Variants in CNTN5 observed in about 807,000 individuals in gnomAD.
CNTN5 encodes the protein contactin 5.
CNTN5 carries 77 observed loss-of-function variants against 129.1 expected under a neutral mutation model. The ratio of observed to expected loss-of-function variants is 0.60; its 90% confidence interval spans 0.50 to 0.72. CNTN5 has a LOEUF of 0.72. CNTN5 is among the 30% of genes least tolerant of loss of function. CNTN5 has a pLI of 0.00. For synonymous variants in CNTN5, 509 were observed against 465.6 expected, an observed-to-expected ratio of 1.09 and a Z score of -1.20; for missense variants, 1,478 against 1,328.8, an observed-to-expected ratio of 1.11 and a Z score of -1.75.
chr11:99,419,696 T>TG (rs1591652281), intron 2 of CNTN5, among the ~76,000 whole-genome samples: 1 of 151,850 alleles, frequency 6.6e-6, no homozygotes, highest in Non-Finnish European at 1.5e-5. Flanking sequence ...AGGGCTGGAG[T>TG]GGGGGGAGGG....
intron 1 of CNTN5, among the ~76,000 whole-genome samples, chr11:99,214,155 T>A (rs906964499): frequency 6.6e-6 from 1 of 151,824 alleles, no homozygotes; most frequent in Non-Finnish European, 1.5e-5. Flanking sequence ...CCAGGGGAAG[T>A]ACAGATTTAT....
intron 8 of CNTN5, among the ~76,000 whole-genome samples, chr11:99,958,718 G>A (rs954558262): frequency 6.6e-6 from 1 of 152,164 alleles, no homozygotes; most frequent in Admixed American, 6.5e-5. Flanking sequence ...TTCTCTATAA[G>A]CTATTTCTCC....
chr11:99,746,138 A>C (rs1944048806), intron 3 of CNTN5, among the ~76,000 whole-genome samples: 1 of 152,360 alleles, frequency 6.6e-6, no homozygotes, highest in Admixed American at 6.5e-5. Context: ...TCATACTAAA[A>C]AAATCCTTGC....
chr11:99,067,736 A>C (rs924087089), intron 1 of CNTN5, among the ~76,000 whole-genome samples: 8 of 152,324 alleles, frequency 5.3e-5, no homozygotes, highest in Admixed American at 2.0e-4. Context: ...TAGATAATTT[A>C]TAATGTTGTA....
intron 10 of CNTN5, among the ~76,000 whole-genome samples, chr11:100,063,313 CGTT>C (rs1943557334): frequency 6.6e-6 from 1 of 151,608 alleles, no homozygotes; most frequent in Admixed American, 6.6e-5. Context: ...TCTGGGGTGT[CGTT>C]GTCATGCACT....
chr11:99,033,284 G>GT (rs1367433652), intron 1 of CNTN5, among the ~76,000 whole-genome samples: 4 of 151,976 alleles, frequency 2.6e-5, no homozygotes, highest in Admixed American at 1.3e-4. Flanking sequence ...CTTTAAAGTA[G>GT]TTTTTTCCAA....
chr11:99,856,911 A>G (rs1261738821), intron 6 of CNTN5, among the ~76,000 whole-genome samples: 1 of 152,028 alleles, frequency 6.6e-6, no homozygotes, highest in Non-Finnish European at 1.5e-5. Context: ...TCATGTCTTT[A>G]TATCATGTTT....
At chr11:100,350,240 A>G (rs1314663068) in intron 23 of CNTN5, among the ~76,000 whole-genome samples, 1 of 151,712 alleles carries the variant, frequency 6.6e-6, no homozygotes, top group Non-Finnish European at 1.5e-5. Context: ...TCCTTAGGAT[A>G]TTTCAATAAC....
chr11:100,174,426 G>A (rs1947904661), intron 13 of CNTN5, among the ~76,000 whole-genome samples: 2 of 152,034 alleles, frequency 1.3e-5, no homozygotes, highest in African/African-American at 2.4e-5. Context: ...TCATCACAGA[G>A]TCCCTTGAGA....
chr11:99,066,396 G>A (rs1865105641), intron 1 of CNTN5, among the ~76,000 whole-genome samples: 1 of 152,060 alleles, frequency 6.6e-6, no homozygotes, highest in South Asian at 2.1e-4. Context: ...GAGCCACCAC[G>A]CCCAGCAAGC....
intron 1 of CNTN5, among the ~76,000 whole-genome samples, chr11:99,025,771 A>G (rs1591063639): frequency 6.6e-6 from 1 of 151,832 alleles, no homozygotes; most frequent in Middle Eastern, 3.4e-3. Context: ...ATAGTAGAGA[A>G]ATGGGATGTT....
At chr11:99,931,163 T>A (rs867736552) in intron 7 of CNTN5, among the ~76,000 whole-genome samples, 1 of 152,180 alleles carries the variant, frequency 6.6e-6, no homozygotes, top group Non-Finnish European at 1.5e-5. Flanking sequence ...GAGATCATTT[T>A]AAAAATATTT....
intron 3 of CNTN5, among the ~76,000 whole-genome samples, chr11:99,576,750 G>T (rs1479678804): frequency 6.6e-6 from 1 of 152,132 alleles, no homozygotes; most frequent in South Asian, 2.1e-4. Flanking sequence ...GTCATAGATG[G>T]TGCCTTCTCA....
intron 1 of CNTN5, among the ~76,000 whole-genome samples, chr11:99,238,731 T>C (rs1861400006): frequency 6.6e-6 from 1 of 152,118 alleles, no homozygotes; most frequent in South Asian, 2.1e-4. Context: ...GTAAAATTGA[T>C]CATAAATGTA....
At chr11:99,687,270 C>T (rs551904238) in intron 3 of CNTN5, among the ~76,000 whole-genome samples, 14 of 152,004 alleles carry the variant, frequency 9.2e-5, no homozygotes, top group African/African-American at 2.9e-4. Flanking sequence ...CCCACAGAGA[C>T]GCTTAATATT....
At chr11:99,943,613 C>T (rs975213563) in intron 7 of CNTN5, among the ~76,000 whole-genome samples, 4 of 152,044 alleles carry the variant, frequency 2.6e-5, no homozygotes, top group Non-Finnish European at 5.9e-5. Context: ...TTGCCCATGC[C>T]TATGTCCTGA....
chr11:99,390,317 C>T (rs963848068), intron 2 of CNTN5, among the ~76,000 whole-genome samples: 1 of 151,996 alleles, frequency 6.6e-6, no homozygotes, highest in East Asian at 1.9e-4. Context: ...ATGGGGGTTG[C>T]CATATTGCCC....
At chr11:99,609,534 C>T (rs561349363) in intron 3 of CNTN5, among the ~76,000 whole-genome samples, 13 of 151,942 alleles carry the variant, frequency 8.6e-5, no homozygotes, top group Non-Finnish European at 7.4e-5. Flanking sequence ...CAGGAAGACA[C>T]AAGTAGAAAA....
chr11:99,193,992 A>G (rs1323347257), intron 1 of CNTN5, among the ~76,000 whole-genome samples: 1 of 152,202 alleles, frequency 6.6e-6, no homozygotes, highest in African/African-American at 2.4e-5. Flanking sequence ...ACATGGTAAG[A>G]ACAGAATCAA....
Sources: allele counts gnomAD v4.1 joint callset (sites outside exome capture counted in the v4.1 genomes callset), GRCh38; gene constraint gnomAD v4.1.1; transcripts MANE v1.5; gene names NCBI Gene and HGNC (gene_info 2026-07-23, HGNC 2026-07-21).